Variants in BRI3 observed in about 807,000 individuals in gnomAD.
BRI3 encodes the protein brain protein I3, also known as membrane protein BRI3.
BRI3 carries 6 observed loss-of-function variants against 12.8 expected under a neutral mutation model. That is an observed-to-expected ratio of 0.47 (90% confidence interval 0.26 to 0.93). The LOEUF (loss-of-function observed/expected upper bound fraction) is 0.93, where lower values mean the gene tolerates loss of function less well. Ranked by LOEUF, BRI3 falls within the 40% of genes least tolerant of loss-of-function variation. BRI3 has a pLI of 0.15. For synonymous variants in BRI3, 91 were observed against 76.1 expected (o/e 1.20, Z -1.02); for missense variants, 134 against 171.1 (o/e 0.78, Z 1.21).
chr7:98,302,962 T>G (rs1800489557), upstream of BRI3, among the ~76,000 whole-genome samples: 1 of 152,132 alleles, frequency 6.6e-6, no homozygotes, highest in Non-Finnish European at 1.5e-5. Context: ...TTTTTTATAT[T>G]TTTTGTCTAC....
At chr7:98,288,104 C>CTT (rs1799772952) in intron 2 of BRI3, among the ~76,000 whole-genome samples, 1 of 152,194 alleles carries the variant, frequency 6.6e-6, no homozygotes, top group Non-Finnish European at 1.5e-5. Flanking sequence ...TCCCTGTCTG[C>CTT]TTTTTCATGG....
chr7:98,315,226 A>G (rs1470966366), downstream of BRI3, among the ~76,000 whole-genome samples: 1 of 151,918 alleles, frequency 6.6e-6, no homozygotes, highest in Non-Finnish European at 1.5e-5. Flanking sequence ...GGCTGAAGGG[A>G]TCCTCCCACC....
intron 1 of BRI3, among the ~76,000 whole-genome samples, chr7:98,298,220 G>A (rs150564651): frequency 9.3e-4 from 141 of 152,366 alleles, no homozygotes; most frequent in African/African-American, 3.4e-3. Flanking sequence ...TCCCAGGTGA[G>A]TGGGATGCTC....
downstream of BRI3, chr7:98,293,945 C>A (rs373082160): frequency 7.3e-6 from 8 of 1,100,998 alleles, no homozygotes; most frequent in Middle Eastern, 2.9e-4. Flanking sequence ...CTGCACTCCC[C>A]CATGGCTCCA....
At chr7:98,320,475 C>G in the BRI3 span, among the ~76,000 whole-genome samples, 1 of 152,198 alleles carries the variant, frequency 6.6e-6, no homozygotes, top group Non-Finnish European at 1.5e-5. Context: ...AGCTGGATTA[C>G]AGGTGTGCAT....
chr7:98,294,076 G>A (rs140846982), downstream of BRI3: 19 of 1,613,980 alleles, frequency 1.2e-5, no homozygotes, highest in East Asian at 2.2e-5. Flanking sequence ...ACGCCTACCT[G>A]AGAAAAGGCG....
At chr7:98,311,965 G>C, downstream of BRI3, 1 of 894,002 alleles carries the variant, frequency 1.1e-6, no homozygotes, top group Non-Finnish European at 1.7e-6. Flanking sequence ...AAGGTAAGGG[G>C]ATAGAGGTGC....
chr7:98,299,776 C>T (rs929392428), intron 1 of BRI3, among the ~76,000 whole-genome samples: 1 of 152,230 alleles, frequency 6.6e-6, no homozygotes, highest in East Asian at 1.9e-4. Flanking sequence ...CGCAGTGACT[C>T]ACGCCTATAT....
exon 2 of BRI3, chr7:98,309,026 A>G (rs546271816): frequency 1.3e-5 from 2 of 152,098 alleles, no homozygotes; most frequent in African/African-American, 4.8e-5. Context: ...TACAACAAGC[A>G]TCTTTAATTT....
intron 2 of BRI3, among the ~76,000 whole-genome samples, chr7:98,288,722 G>A (rs1435334333): frequency 2.6e-5 from 4 of 151,818 alleles, no homozygotes; most frequent in African/African-American, 7.3e-5. Flanking sequence ...TCCCAAAATC[G>A]GCTGAACAAT....
the BRI3 span, among the ~76,000 whole-genome samples, chr7:98,316,055 G>A: frequency 6.6e-6 from 1 of 152,182 alleles, no homozygotes; most frequent in Non-Finnish European, 1.5e-5. Flanking sequence ...GGGACCTGGT[G>A]GGAGGTAATT....
chr7:98,285,311 G>A (rs1799674786), intron 2 of BRI3, among the ~76,000 whole-genome samples: 1 of 152,144 alleles, frequency 6.6e-6, no homozygotes. Flanking sequence ...TGGAGCCCGG[G>A]AGGGGCTGGA....
At chr7:98,298,879 T>C (rs1270394136) in intron 1 of BRI3, among the ~76,000 whole-genome samples, 1 of 151,512 alleles carries the variant, frequency 6.6e-6, no homozygotes, top group Admixed American at 6.6e-5. Context: ...TCTTGCTCTG[T>C]CACCCAGGCT....
At chr7:98,317,279 C>T in the BRI3 span, 2 of 1,614,150 alleles carry the variant, frequency 1.2e-6, no homozygotes, top group Non-Finnish European at 1.7e-6. Context: ...TCCTTCTGAT[C>T]TTCTTCAACT....
chr7:98,291,360 G>C lies in BRI3; in HGVS notation c.*117G>C, dbSNP rs895666656. The C allele has an allele frequency of 4.0e-6, 6 of 1,517,116 alleles. No homozygotes were observed. Among genetic ancestry groups the C allele is most frequent in the Admixed American group, 2.1e-5 (1 of 47,966 alleles). The allele number at this position is 1,517,116 out of a possible 1,614,324, so 94.0% of individuals were successfully genotyped here. On this transcript the variant is annotated 3_prime_UTR_variant, in exon 3 of 3. Coordinates refer to ENST00000297290, the MANE Select transcript of BRI3 (RefSeq NM_015379.5). ...CTGTTTTGTAAAGCGAGGTGGGACC[G>C]ATGTGGCACACGCCAGCTGCGGTTT... is the stretch of plus-strand genomic sequence containing the variant.
chr7:98,320,687 CAG>C, the BRI3 span, among the ~76,000 whole-genome samples: 1 of 152,128 alleles, frequency 6.6e-6, no homozygotes, highest in Non-Finnish European at 1.5e-5. Context: ...CAGGGAAACA[CAG>C]AAATACACTG....
downstream of BRI3, chr7:98,312,062 A>T: frequency 1.3e-6 from 2 of 1,555,262 alleles, no homozygotes; most frequent in Non-Finnish European, 1.7e-6. Flanking sequence ...TAGGAAACAC[A>T]CGATTGAAAT....
downstream of BRI3, among the ~76,000 whole-genome samples, chr7:98,313,438 G>A (rs1313980853): frequency 2.0e-5 from 3 of 152,030 alleles, no homozygotes; most frequent in African/African-American, 7.2e-5. Context: ...GGGATATCAC[G>A]CAGGAAGAGA....
the BRI3 span, chr7:98,319,957 C>T: frequency 1.1e-6 from 1 of 939,616 alleles, no homozygotes; most frequent in Non-Finnish European, 1.7e-6. Context: ...CGGAGCTTCT[C>T]TCCTGTCTGC....
Sources: gnomAD v4.1 joint callset for allele counts (sites outside exome capture counted in the v4.1 genomes callset) on GRCh38, gnomAD v4.1.1 for gene constraint, MANE v1.5 for transcripts, NCBI Gene and HGNC (gene_info 2026-07-23, HGNC 2026-07-21) for gene names.